SUPT6H: variants seen among roughly 807,000 people sequenced by gnomAD.
SUPT6H encodes the protein SPT6 homolog, histone chaperone and transcription elongation factor, also known as transcription elongation factor SPT6.
A neutral mutation model predicts 222.3 loss-of-function variants in SUPT6H; 11 were observed. The ratio of observed to expected loss-of-function variants is 0.05; its 90% CI spans 0.03 to 0.08. The LOEUF is 0.08. Among genes scored for constraint, SUPT6H ranks in the 10% least tolerant of loss-of-function variants. SUPT6H has a pLI of 1.00. For missense variants in SUPT6H, 1,422 were observed against 2,216.0 expected, an observed-to-expected ratio of 0.64 and a Z score of 7.19; for synonymous variants, 762 against 801.2, an observed-to-expected ratio of 0.95 and a Z score of 0.83.
At chr17:28,678,669 C>T (rs781185930) in intron 10 of SUPT6H, 35 bp downstream of exon 10, 2 of 1,611,388 alleles carry the variant, frequency 1.2e-6, no homozygotes, top group South Asian at 1.1e-5. Context: ...GAGGTGTGGG[C>T]CAGGGAAGGC....
At position 28,690,214 on chromosome 17, in the gene SUPT6H, G is replaced by A; in HGVS notation, c.3475G>A (p.Glu1159Lys). The A allele has an allele frequency of 3.7e-6, 6 of 1,613,952 alleles. No individual in the cohort carries two copies. Among genetic ancestry groups the A allele is most frequent in the Non-Finnish European group, 5.1e-6 (6 of 1,180,010 alleles). Residue 1159 changes from glutamate to lysine, a missense_variant, in exon 26 of 37, where the codon GAG (glutamate) becomes AAG (lysine). This residue lies in a region of SUPT6H where 60 missense variants were observed against 96.7 expected (regional missense o/e 0.62). Coordinates refer to ENST00000314616, the MANE Select transcript of SUPT6H (RefSeq NM_003170.5). The part of the protein sequence containing the change: ...IFNMLTKETP[E>K]TFYIGKLIIC... ...CAATATGTTAACCAAAGAAACACCAGAGACCTTCTACATTGGTAAATTCTG... is the reference window on the plus strand; with the variant it reads ...CAATATGTTAACCAAAGAAACACCAAAGACCTTCTACATTGGTAAATTCTG...
rs2032116390 is a variant in SUPT6H at position 28,701,210 on chromosome 17, G to A, written c.4994+82G>A. The A allele has an allele frequency of 3.3e-6, 5 of 1,512,878 alleles. No homozygotes were observed. In the Admixed American group the frequency reaches 9.9e-5, roughly 30 times the overall value. 93.7% of individuals were successfully genotyped at this position (1,512,878 alleles called of 1,614,324 possible). On this transcript the variant is annotated intron_variant, in intron 36 of 36. Transcript: ENST00000314616. ...GAGGCCGAAAGGCTTAGCAGAGGCA[G>A]GTGCTCTGGATCCTCTGAGGGCCCT...
chr17:28,693,657 A>G (rs2031776087), intron 27 of SUPT6H, 39 bp from the exon 28 acceptor site: 6 of 1,613,056 alleles, frequency 3.7e-6, no homozygotes, highest in Middle Eastern at 1.7e-4. Context: ...GATCTCCAGA[A>G]TATTGATAAT....
intron 1 of SUPT6H, among the ~76,000 whole-genome samples, chr17:28,672,097 A>C (rs2151611418): frequency 2.0e-5 from 3 of 152,356 alleles, no homozygotes; most frequent in Middle Eastern, 6.8e-3. Flanking sequence ...AATTGGCTCA[A>C]GTTCATGAAG....
At position 28,698,040 on chromosome 17, in the gene SUPT6H, AG is replaced by A; in HGVS notation, c.4448+11del. 6.2e-7 allele frequency: 1 copy of A among 1,604,170 alleles called. No individual in the cohort carries two copies. The highest frequency in any genetic ancestry group is 8.5e-7 in the Non-Finnish European group (1 of 1,179,098). On this transcript the variant is annotated intron_variant, in intron 32 of 36. Transcript: ENST00000314616. ...CCCGGGGTAAACCCAGGTGAGCACT[AG>A]TGCTGAGAAGGTGCTGCCACTGGGG...
In SUPT6H at chr17:28,678,006, T is replaced by A. The variant is rs2030862678; in HGVS notation, c.1000-70T>A. ...ATCTAGAAAGGTTATCCTTTGTTAT[T>A]AAGCAGTCTTGTATGGTAAGACAAA... On this transcript the variant is annotated intron_variant, in intron 8 of 36. Coordinates refer to ENST00000314616, the MANE Select transcript of SUPT6H (RefSeq NM_003170.5). The A allele has an allele frequency of 6.7e-6, 10 of 1,482,626 alleles. No homozygotes were observed. In the South Asian group the frequency reaches 1.2e-4, roughly 18 times the overall value. 91.8% of individuals were successfully genotyped at this position (1,482,626 alleles called of 1,614,324 possible).
At chr17:28,663,310 G>A (rs2072099690) in intron 1 of SUPT6H, among the ~76,000 whole-genome samples, 1 of 152,154 alleles carries the variant, frequency 6.6e-6, no homozygotes, top group African/African-American at 2.4e-5. Context: ...TACGAGTAAT[G>A]TCCCTTTCAC....
At chr17:28,662,864 G>T (rs1484197965) in intron 1 of SUPT6H, among the ~76,000 whole-genome samples, 1 of 152,212 alleles carries the variant, frequency 6.6e-6, no homozygotes, top group Non-Finnish European at 1.5e-5. Context: ...TCTTGTAGAA[G>T]TCCTAAAGCC....
In SUPT6H at chr17:28,684,807, T is replaced by G. The variant is rs748659624; in HGVS notation, c.2370-37T>G. 8.1e-6 allele frequency: 13 copies of G among 1,613,736 alleles called. No homozygotes were observed. In the East Asian group the frequency reaches 2.9e-4, roughly 36 times the overall value. ...TCTCTCATTCATAACTTCATATTGC[T>G]GATTATTGCATTCTTGTTTTTCTGT... On this transcript the variant is annotated intron_variant, in intron 18 of 36. Transcript: ENST00000314616.
At chr17:28,666,400 A>G (rs1466428498) in intron 1 of SUPT6H, among the ~76,000 whole-genome samples, 1 of 152,212 alleles carries the variant, frequency 6.6e-6, no homozygotes, top group Non-Finnish European at 1.5e-5. Context: ...AGCAGGAACT[A>G]TGCGCTCCTC....
intron 12 of SUPT6H, 35 bp downstream of exon 12, chr17:28,681,439 T>G: frequency 6.4e-7 from 1 of 1,556,516 alleles, no homozygotes; most frequent in Admixed American, 2.0e-5. Context: ...GGAGATTTGA[T>G]GGCCATGCAT....
At chr17:28,696,412 A>G (rs939275426) in intron 29 of SUPT6H, among the ~76,000 whole-genome samples, 2 of 149,496 alleles carry the variant, frequency 1.3e-5, no homozygotes, top group African/African-American at 4.9e-5. Flanking sequence ...GCCTGGCCAA[A>G]ATGGTGAAAC....
Position 28,690,317 on chromosome 17 carries a change from G to A in SUPT6H, c.3490+88G>A, listed in dbSNP as rs1031914627. The A allele has an allele frequency of 3.9e-6, 6 of 1,526,094 alleles. No individual in the cohort carries two copies. In the East Asian group the frequency reaches 1.4e-4, roughly 35 times the overall value. The allele number at this position is 1,526,094 out of a possible 1,614,324, so 94.5% of individuals were successfully genotyped here. Reference sequence around the variant, plus strand: ...CAAGCAGCAGTTCCAACAGATTGAGGCAGGTTTGTGTTGTACATGGGGAAG... The same window carrying A: ...CAAGCAGCAGTTCCAACAGATTGAGACAGGTTTGTGTTGTACATGGGGAAG... On this transcript the variant is annotated intron_variant, in intron 26 of 36. Transcript: ENST00000314616.
intron 25 of SUPT6H, 64 bp from the exon 26 acceptor site, chr17:28,690,018 G>A (rs1213980773): frequency 7.1e-6 from 11 of 1,555,088 alleles, no homozygotes; most frequent in Non-Finnish European, 9.6e-6. Flanking sequence ...CCCTTCCACG[G>A]GACTCCTTGA....
intron 27 of SUPT6H, 21 bp downstream of exon 27, chr17:28,691,084 C>G (rs752331365): frequency 6.2e-7 from 1 of 1,609,020 alleles, no homozygotes; most frequent in Non-Finnish European, 8.5e-7. Context: ...CAGCATTATC[C>G]TGCTCAGTGG....
chr17:28,683,038 A>G lies in SUPT6H; in HGVS notation c.1824A>G (p.Gln608=). The change falls in exon 15 of 37, where the codon CAA becomes CAG. Residue 608 remains glutamine, a synonymous_variant. Transcript: ENST00000314616. ...REPLVRQVLR[Q]TFQERAKLNI... ...CCCTTGTCCGGCAGGTGCTGAGGCA[A>G]ACCTTCCAAGAGAGAGCCAAGTTAA... is the stretch of plus-strand genomic sequence containing the variant. 1 of 1,613,836 alleles carries G rather than the reference A, an allele frequency of 6.2e-7. No homozygotes were observed. The highest frequency in any genetic ancestry group is 1.1e-5 in the South Asian group (1 of 91,044).
chr17:28,675,272 C>CAGA (rs2030675086), intron 5 of SUPT6H, 110 bp downstream of exon 5: 1 of 1,482,426 alleles, frequency 6.7e-7, no homozygotes, highest in African/African-American at 1.4e-5. Context: ...GCATTTGACA[C>CAGA]AAAGAAGTTC....
chr17:28,700,321 C>G, intron 34 of SUPT6H, 25 bp from the exon 35 acceptor site: 1 of 1,614,012 alleles, frequency 6.2e-7, no homozygotes, highest in Non-Finnish European at 8.5e-7. Flanking sequence ...CTAACATGCC[C>G]CTCCCCACCT....
At chr17:28,667,552 A>G (rs1173408380) in intron 1 of SUPT6H, among the ~76,000 whole-genome samples, 2 of 149,280 alleles carry the variant, frequency 1.3e-5, no homozygotes, top group South Asian at 2.1e-4. Context: ...ATATATATGT[A>G]TATATGATAC....
Sources: gnomAD v4.1 joint callset for allele counts (sites outside exome capture counted in the v4.1 genomes callset) on GRCh38, gnomAD v4.1.1 for gene constraint, gnomAD v4.1.1 regional missense constraint, MANE v1.5 for transcripts, NCBI Gene and HGNC (gene_info 2026-07-23, HGNC 2026-07-21) for gene names.